The following TMEM236 variants were observed in gnomAD, a reference collection of about 807,000 sequenced individuals.
TMEM236 encodes transmembrane protein 236, also known as family with sequence similarity 23, member A.
A neutral mutation model predicts 14.7 loss-of-function variants in TMEM236; 11 were observed. The observed-to-expected ratio is 0.75, with a 90% CI of 0.47 to 1.24. The LOEUF (loss-of-function observed/expected upper bound fraction) is 1.24, where lower values mean the gene tolerates loss of function less well. Ranked by LOEUF, TMEM236 falls within the 50% of genes most tolerant of loss-of-function variation. TMEM236 has a pLI of 0.00. For synonymous variants in TMEM236, 182 were observed against 168.6 expected, an observed-to-expected ratio of 1.08 and a Z score of -0.62; for missense variants, 464 against 427.3, an observed-to-expected ratio of 1.09 and a Z score of -0.76.
At chr10:17,767,017 G>T (rs1837478262) in intron 1 of TMEM236, among the ~76,000 whole-genome samples, 2 of 152,058 alleles carry the variant, frequency 1.3e-5, no homozygotes, top group Admixed American at 6.6e-5. Context: ...CAGTCATATT[G>T]GATTAGGACC....
At chr10:17,757,174 A>G (rs1198401777) in intron 1 of TMEM236, among the ~76,000 whole-genome samples, 5 of 152,108 alleles carry the variant, frequency 3.3e-5, no homozygotes, top group Non-Finnish European at 7.3e-5. Context: ...GCACTGTTCT[A>G]GGAGCTTTAC....
rs1036597606 is a variant in TMEM236, at chr10:17,785,745, G to T, written c.472+9575G>T. ...GGAACACTGTGTCCGGGGACCAACC[G>T]GGGGGGGATATTTCCTTTCCTACCC... is the stretch of plus-strand genomic sequence containing the variant. On this transcript the variant is annotated intron_variant, in intron 3 of 3. Coordinates refer to ENST00000377495, the MANE Select transcript of TMEM236 (RefSeq NM_001098844.3). 4.0e-5 allele frequency among the ~76,000 whole-genome samples: 6 copies of T among 151,680 alleles called. No individual in the cohort carries two copies. In the South Asian group the frequency reaches 8.3e-4, roughly 21 times the overall value.
At position 17,796,423 on chromosome 10, in the gene TMEM236, C is replaced by T; in HGVS notation, c.975C>T (p.Ile325=). 6.2e-7 allele frequency: 1 copy of T among 1,613,822 alleles called. No homozygotes were observed. ...CCGTACTGGGCCTGTGTAAAAATAT[C>T]CTCGTGACTCTCTCTTACATTTACT... is the stretch of plus-strand genomic sequence containing the variant. ...ITPVLGLCKN[I]LVTLSYIYFN... The change falls in exon 4 of 4, where the codon ATC becomes ATT. Residue 325 remains isoleucine, a synonymous_variant. Coordinates refer to ENST00000377495, the MANE Select transcript of TMEM236 (RefSeq NM_001098844.3).
At chr10:17,759,961 C>A (rs891713790) in intron 1 of TMEM236, among the ~76,000 whole-genome samples, 1 of 114,350 alleles carries the variant, frequency 8.7e-6, no homozygotes, top group Non-Finnish European at 1.6e-5. Flanking sequence ...CCGGCCTGGA[C>A]GAAAGAGCGA....
At chr10:17,771,243 C>G in intron 1 of TMEM236, 66 bp from the exon 2 acceptor site, 1 of 1,480,766 alleles carries the variant, frequency 6.8e-7, no homozygotes, top group Non-Finnish European at 9.4e-7. Context: ...GCAAAATTAG[C>G]AAAATGTAAG....
chr10:17,785,490 A>G (rs1371638345), intron 3 of TMEM236, among the ~76,000 whole-genome samples: 2 of 152,332 alleles, frequency 1.3e-5, no homozygotes, highest in African/African-American at 4.8e-5. Context: ...ATTTCCTTGA[A>G]ATGTAACTCA....
rs1283951050 is a variant in TMEM236, at chr10:17,796,305, A to C, written c.857A>C (p.Asn286Thr). 1 of 1,613,172 alleles carries C rather than the reference A, an allele frequency of 6.2e-7. No individual in the cohort carries two copies. The highest frequency in any genetic ancestry group is 8.5e-7 in the Non-Finnish European group (1 of 1,179,760). ...CTTCGAATTACATTCACTCCCCAAA[A>C]CCCTCTTCTCAATTCCCTGAGCGTC... ...SLLRITFTPQ[N>T]PLLNSLSVLL... The change falls in exon 4 of 4, where the codon AAC becomes ACC. Residue 286 changes from asparagine to threonine, a missense_variant. Transcript: ENST00000377495.
At chr10:17,754,928 A>T (rs952155976) in intron 1 of TMEM236, among the ~76,000 whole-genome samples, 2 of 143,138 alleles carry the variant, frequency 1.4e-5, no homozygotes, top group Non-Finnish European at 3.0e-5. Flanking sequence ...CTGATGTTTT[A>T]TTTATTTATT....
chr10:17,775,004 T>C (rs1238877996), intron 2 of TMEM236, among the ~76,000 whole-genome samples: 4 of 152,148 alleles, frequency 2.6e-5, no homozygotes, highest in African/African-American at 9.7e-5. Context: ...TTTCACCAAG[T>C]TGGCCAGGCT....
intron 3 of TMEM236, among the ~76,000 whole-genome samples, chr10:17,788,104 A>G (rs1837867551): frequency 6.7e-6 from 1 of 150,284 alleles, no homozygotes; most frequent in Admixed American, 6.6e-5. Flanking sequence ...TTTCAGGAAC[A>G]TTGATAAGAA....
At chr10:17,787,320 T>C (rs1837854048) in intron 3 of TMEM236, among the ~76,000 whole-genome samples, 1 of 152,214 alleles carries the variant, frequency 6.6e-6, no homozygotes, top group South Asian at 2.1e-4. Flanking sequence ...TAAGTCCCCT[T>C]AGTGTTGCCG....
At chr10:17,789,865 CA>C (rs34428377) in intron 3 of TMEM236, among the ~76,000 whole-genome samples, 9,109 of 150,024 alleles carry the variant, frequency 0.061, 476 homozygotes, top group East Asian at 0.21. Context: ...ACTAAAAATA[CA>C]AAAAAAAATT....
intron 3 of TMEM236, among the ~76,000 whole-genome samples, chr10:17,793,559 C>T (rs999226677): frequency 5.3e-5 from 8 of 152,218 alleles, no homozygotes; most frequent in African/African-American, 4.8e-5. Flanking sequence ...TCTTAGCTCA[C>T]TGCAACCTCC....
intron 3 of TMEM236, among the ~76,000 whole-genome samples, chr10:17,777,355 C>T (rs1837675428): frequency 6.6e-6 from 1 of 152,174 alleles, no homozygotes; most frequent in Non-Finnish European, 1.5e-5. Flanking sequence ...TCACATCTGC[C>T]CTCCAGAGTC....
intron 2 of TMEM236, among the ~76,000 whole-genome samples, 158 bp downstream of exon 2, chr10:17,771,539 CATTGTTACCTCTGTG>C (rs1837573503): frequency 6.6e-6 from 1 of 152,208 alleles, no homozygotes; most frequent in Admixed American, 6.5e-5. Context: ...GTACTGAGAT[CATTGTTACCTCTGTG>C]ATTGTGAAGG....
intron 3 of TMEM236, among the ~76,000 whole-genome samples, chr10:17,778,843 C>G (rs1837699202): frequency 6.6e-6 from 1 of 152,194 alleles, no homozygotes; most frequent in South Asian, 2.1e-4. Context: ...ATTCTGCTGA[C>G]AAAATATGCT....
intron 1 of TMEM236, among the ~76,000 whole-genome samples, chr10:17,769,534 G>A (rs1313228195): frequency 6.6e-6 from 1 of 152,202 alleles, no homozygotes; most frequent in Admixed American, 6.5e-5. Flanking sequence ...AATCTCTGGG[G>A]CATTGTCATC....
At chr10:17,774,321 A>C (rs995740527) in intron 2 of TMEM236, among the ~76,000 whole-genome samples, 20 of 152,336 alleles carry the variant, frequency 1.3e-4, no homozygotes, top group African/African-American at 3.4e-4. Context: ...CTGGGATTTC[A>C]GGTGTGAGTC....
chr10:17,761,297 G>A (rs1338954515), intron 1 of TMEM236, among the ~76,000 whole-genome samples: 1 of 152,030 alleles, frequency 6.6e-6, no homozygotes. Flanking sequence ...CTAACGTTTG[G>A]GCTCTGGCAA....
Sources: allele counts gnomAD v4.1 joint callset (sites outside exome capture counted in the v4.1 genomes callset), GRCh38; gene constraint gnomAD v4.1.1; transcripts MANE v1.5; gene names NCBI Gene and HGNC (gene_info 2026-07-23, HGNC 2026-07-21).